Variants in KATNAL1 observed in about 807,000 individuals in gnomAD.
KATNAL1 encodes katanin p60 ATPase-containing subunit A-like 1.
In KATNAL1, 32 loss-of-function variants were observed where a neutral mutation model predicts 55.2. The ratio of observed to expected loss-of-function variants is 0.58; its 90% CI spans 0.44 to 0.78. The LOEUF (loss-of-function observed/expected upper bound fraction) is 0.78. Among genes scored for constraint, KATNAL1 ranks in the 30% least tolerant of loss-of-function variants. KATNAL1 has a pLI of 0.00. For missense variants in KATNAL1, 466 were observed against 600.9 expected (o/e 0.78, Z 2.35); for synonymous variants, 193 against 193.6 (o/e 1.00, Z 0.02).
chr13:30,290,927 C>T (rs1277534726), intron 1 of KATNAL1, among the ~76,000 whole-genome samples: 1 of 152,046 alleles, frequency 6.6e-6, no homozygotes, highest in Non-Finnish European at 1.5e-5. Flanking sequence ...GAATGCTTAG[C>T]AAACTAAGAA....
intron 4 of KATNAL1, among the ~76,000 whole-genome samples, chr13:30,251,030 C>T (rs1044241980): frequency 2.0e-5 from 3 of 150,036 alleles, no homozygotes; most frequent in African/African-American, 4.9e-5. Flanking sequence ...CCCAGCTACT[C>T]GGGAGGCTGA....
At chr13:30,270,338 G>C (rs1835738937) in intron 3 of KATNAL1, among the ~76,000 whole-genome samples, 1 of 151,656 alleles carries the variant, frequency 6.6e-6, no homozygotes, top group Admixed American at 6.5e-5. Context: ...CCCCACCCGG[G>C]AGGTGAGGGG....
At chr13:30,300,038 A>G (rs10488670) in intron 1 of KATNAL1, among the ~76,000 whole-genome samples, 8,690 of 152,224 alleles carry the variant, frequency 0.057, 374 homozygotes, top group East Asian at 0.25. Flanking sequence ...TCATGCCAAG[A>G]CTAAGACATA....
chr13:30,230,427 T>G (rs1003151517), intron 8 of KATNAL1, 41 bp downstream of exon 8: 2 of 1,580,640 alleles, frequency 1.3e-6, no homozygotes, highest in African/African-American at 2.7e-5. Flanking sequence ...ACAAAATATT[T>G]AAAAATGAGA....
At chr13:30,256,835 C>A (rs996459238) in intron 3 of KATNAL1, among the ~76,000 whole-genome samples, 2 of 152,140 alleles carry the variant, frequency 1.3e-5, no homozygotes, top group Non-Finnish European at 2.9e-5. Context: ...TAAACATACA[C>A]TGACATCTTA....
intron 9 of KATNAL1, among the ~76,000 whole-genome samples, chr13:30,226,406 G>T (rs533855400): frequency 6.6e-6 from 1 of 152,310 alleles, no homozygotes; most frequent in East Asian, 1.9e-4. Flanking sequence ...ACAAATTGTG[G>T]TATAATCATA....
intron 6 of KATNAL1, among the ~76,000 whole-genome samples, chr13:30,240,136 C>T (rs1221769350): frequency 3.9e-5 from 6 of 152,042 alleles, no homozygotes; most frequent in Admixed American, 3.9e-4. Flanking sequence ...TCTATAAGAC[C>T]ATATATTATT....
At chr13:30,242,698 A>G (rs1287255423) in intron 4 of KATNAL1, among the ~76,000 whole-genome samples, 1 of 152,112 alleles carries the variant, frequency 6.6e-6, no homozygotes, top group Non-Finnish European at 1.5e-5. Flanking sequence ...AAAGCCTCTC[A>G]CTACACTGAA....
chr13:30,271,068 T>A (rs959440807), intron 3 of KATNAL1, among the ~76,000 whole-genome samples: 7 of 152,216 alleles, frequency 4.6e-5, no homozygotes, highest in African/African-American at 1.4e-4. Context: ...GCATTTGCCA[T>A]GTGAACATCA....
intron 9 of KATNAL1, among the ~76,000 whole-genome samples, chr13:30,213,468 C>A (rs1304088407): frequency 2.0e-5 from 3 of 151,768 alleles, no homozygotes; most frequent in Admixed American, 1.3e-4. Flanking sequence ...GAGACACACC[C>A]AAAAAAGAGA....
intron 5 of KATNAL1, 146 bp downstream of exon 5, chr13:30,240,813 C>G (rs1028652701): frequency 4.9e-6 from 4 of 818,780 alleles, no homozygotes; most frequent in Non-Finnish European, 3.7e-6. Flanking sequence ...TTACATTCGA[C>G]AGAACTGTCT....
intron 3 of KATNAL1, among the ~76,000 whole-genome samples, chr13:30,260,684 G>A (rs1040871984): frequency 1.3e-5 from 2 of 151,794 alleles, no homozygotes; most frequent in Non-Finnish European, 2.9e-5. Flanking sequence ...AGGATAAAAA[G>A]AAATGAGCAA....
chr13:30,276,821 G>GC (rs2137522078), intron 3 of KATNAL1, among the ~76,000 whole-genome samples: 1 of 152,248 alleles, frequency 6.6e-6, no homozygotes, highest in South Asian at 2.1e-4. Flanking sequence ...AGATGAAAGA[G>GC]ACTTGGGTTC....
intron 8 of KATNAL1, among the ~76,000 whole-genome samples, chr13:30,228,435 C>T (rs1472064445): frequency 2.6e-5 from 4 of 151,988 alleles, no homozygotes; most frequent in Non-Finnish European, 4.4e-5. Context: ...ACTCCTACTT[C>T]GGTCATTATG....
At chr13:30,228,644 C>CA (rs1875755450) in intron 8 of KATNAL1, among the ~76,000 whole-genome samples, 2 of 152,358 alleles carry the variant, frequency 1.3e-5, no homozygotes, top group African/African-American at 4.8e-5. Context: ...ATGGTAAACT[C>CA]ACTGAGGGAA....
chr13:30,243,819 G>C (rs1247921911), intron 4 of KATNAL1, among the ~76,000 whole-genome samples: 1 of 152,126 alleles, frequency 6.6e-6, no homozygotes, highest in Non-Finnish European at 1.5e-5. Flanking sequence ...CTTAATTATA[G>C]CTGATCTTTT....
intron 9 of KATNAL1, among the ~76,000 whole-genome samples, chr13:30,215,234 C>T (rs1171660107): frequency 1.7e-4 from 26 of 151,954 alleles, no homozygotes; most frequent in Non-Finnish European, 1.9e-4. Context: ...GATACCATCT[C>T]ACACCAGTTA....
intron 1 of KATNAL1, among the ~76,000 whole-genome samples, chr13:30,301,462 C>T (rs1882851518): frequency 6.6e-6 from 1 of 152,198 alleles, no homozygotes; most frequent in African/African-American, 2.4e-5. Context: ...TTATTGAATG[C>T]TAACTCCCCA....
At chr13:30,264,559 T>A (rs1231751905) in intron 3 of KATNAL1, among the ~76,000 whole-genome samples, 3 of 150,828 alleles carry the variant, frequency 2.0e-5, no homozygotes, top group African/African-American at 7.4e-5. Context: ...AAAAGTGGGT[T>A]AAGGACATGA....
Sources: allele counts gnomAD v4.1 joint callset (sites outside exome capture counted in the v4.1 genomes callset), GRCh38; gene constraint gnomAD v4.1.1; transcripts MANE v1.5; gene names NCBI Gene and HGNC (gene_info 2026-07-23, HGNC 2026-07-21).